TOP3A: variants seen among roughly 807,000 people sequenced by gnomAD.
TOP3A encodes the protein DNA topoisomerase 3-alpha.
In TOP3A, 64 loss-of-function variants were observed where a neutral mutation model predicts 111.3. That is an observed-to-expected ratio of 0.57 (90% CI 0.47 to 0.71). TOP3A has a LOEUF of 0.71. Ranked by LOEUF, TOP3A falls within the 30% of genes least tolerant of loss-of-function variation. The pLI is 0.00. For missense variants in TOP3A, 1,104 were observed against 1,285.0 expected (o/e 0.86, Z 2.15); for synonymous variants, 484 against 485.1 (o/e 1.00, Z 0.03).
At chr17:18,302,999 T>C (rs1981334788) in intron 5 of TOP3A, 2 of 348,338 alleles carry the variant, frequency 5.7e-6, no homozygotes, top group Non-Finnish European at 1.1e-5. Flanking sequence ...TTACTGTGTC[T>C]AGTAGAAAAA....
Position 18,271,788 on chromosome 17 carries a change from G to T in TOP3A, c.*3014C>A. The T allele has an allele frequency of 2.2e-6, 1 of 451,804 alleles. No individual in the cohort carries two copies. The allele number at this position is 451,804 out of a possible 1,614,324, so 28.0% of individuals were successfully genotyped here. A position where few individuals can be genotyped will look rare whatever the true frequency, so the allele number is the denominator to read the frequency against. Reference sequence around the variant, plus strand: ...TTAAAAATGGGGGAAGAGACCAGGTGTGATGGCTCCTGCCTGTTAATCCTA... The same window carrying T: ...TTAAAAATGGGGGAAGAGACCAGGTTTGATGGCTCCTGCCTGTTAATCCTA... On this transcript the variant is annotated 3_prime_UTR_variant, in exon 19 of 19. Transcript: ENST00000321105.
At chr17:18,283,384 A>G (rs890601455) in intron 15 of TOP3A, among the ~76,000 whole-genome samples, 4 of 152,096 alleles carry the variant, frequency 2.6e-5, no homozygotes, top group Admixed American at 1.3e-4. Flanking sequence ...AAAAAAAGTA[A>G]AACTGCACAG....
At chr17:18,287,571 C>G (rs906403366) in intron 13 of TOP3A, among the ~76,000 whole-genome samples, 1 of 151,848 alleles carries the variant, frequency 6.6e-6, no homozygotes, top group Non-Finnish European at 1.5e-5. Flanking sequence ...AAAAAATTAG[C>G]TGGGTATGGC....
At chr17:18,307,575 G>A (rs893738492) in intron 3 of TOP3A, 1 of 151,610 alleles carries the variant, frequency 6.6e-6, no homozygotes, top group African/African-American at 2.4e-5. Flanking sequence ...TCCAGCCTAG[G>A]CGACAGAATA....
chr17:18,290,770 C>CCTG, intron 12 of TOP3A, 72 bp downstream of exon 12: 1 of 1,589,038 alleles, frequency 6.3e-7, no homozygotes, highest in South Asian at 1.1e-5. Context: ...GGAACATGAT[C>CCTG]CTGCTCCACT....
chr17:18,286,174 T>A (rs983358081), intron 13 of TOP3A, among the ~76,000 whole-genome samples: 2 of 143,922 alleles, frequency 1.4e-5, no homozygotes, highest in Non-Finnish European at 3.0e-5. Flanking sequence ...CACTCCAGCC[T>A]GGGTGATGGA....
intron 9 of TOP3A, among the ~76,000 whole-genome samples, chr17:18,295,096 G>A (rs766990590): frequency 1.3e-5 from 2 of 152,136 alleles, no homozygotes; most frequent in South Asian, 2.1e-4. Context: ...CAATCCTCCC[G>A]CCTTGGCCTC....
At position 18,278,019 on chromosome 17, in the gene TOP3A, CCCTCCTTA is replaced by C. The variant is rs1567733708; in HGVS notation, c.2475_2482del (p.Lys826ProfsTer9). The C allele has an allele frequency of 1.9e-6, 3 of 1,614,044 alleles. No individual in the cohort carries two copies. The highest frequency in any genetic ancestry group is 2.2e-5 in the East Asian group (1 of 44,894). On this transcript the variant is annotated frameshift_variant, in exon 18 of 19. Coordinates refer to ENST00000321105, the MANE Select transcript of TOP3A (RefSeq NM_004618.5). LOFTEE classifies it high-confidence loss of function. ...AAAGAACTGCCGGCCCCGGTTGGGGCCCTCCTTACGGACAGTGAGCAGCACAGCCTCCT... is the reference window on the plus strand; with the variant it reads ...AAAGAACTGCCGGCCCCGGTTGGGGCCGGACAGTGAGCAGCACAGCCTCCT...
intron 1 of TOP3A, among the ~76,000 whole-genome samples, chr17:18,310,121 T>G (rs62072515): frequency 0.22 from 33,488 of 152,050 alleles, 3,886 homozygotes; most frequent in East Asian, 0.3. Context: ...TAGAATATTA[T>G]TCAGCCATAA....
rs766616168 is a variant in TOP3A, at chr17:18,277,886, TCCCAGGGAGGCG to T, written c.2604_2615del (p.Ala869_Gly872del). On this transcript the variant is annotated inframe_deletion, in exon 18 of 19. Transcript: ENST00000321105. ...GGTGGATCCCTGGGCCTGGTGGGCA[TCCCAGGGAGGCG>T]CCCAGGGGTCTATATGCCAAGGCAG... 4 of 1,613,912 alleles carry T rather than the reference TCCCAGGGAGGCG, an allele frequency of 2.5e-6. No homozygotes were observed. Among genetic ancestry groups the T allele is most frequent in the Non-Finnish European group, 1.7e-6 (2 of 1,179,980 alleles).
chr17:18,291,670 A>C (rs1336998491), intron 11 of TOP3A, among the ~76,000 whole-genome samples: 2 of 152,066 alleles, frequency 1.3e-5, no homozygotes, highest in African/African-American at 4.8e-5. Flanking sequence ...AGGCAATTTT[A>C]CCCCCTTATA....
At chr17:18,283,056 G>C (rs767554734) in intron 15 of TOP3A, among the ~76,000 whole-genome samples, 4 of 152,188 alleles carry the variant, frequency 2.6e-5, no homozygotes, top group Non-Finnish European at 5.9e-5. Context: ...GATACAGGCA[G>C]ATGCTTCTGC....
chr17:18,292,592 C>A (rs970339495), intron 11 of TOP3A, 53 bp downstream of exon 11: 2 of 1,441,482 alleles, frequency 1.4e-6, no homozygotes, highest in African/African-American at 1.4e-5. Context: ...TTACTACTGA[C>A]CCCCAGCACT....
intron 3 of TOP3A, 113 bp downstream of exon 3, chr17:18,308,220 CAACAAAAAAAAAAAAAAA>C (rs1567752281): frequency 5.4e-6 from 2 of 373,280 alleles, no homozygotes; most frequent in South Asian, 3.7e-5. Flanking sequence ...ACTTTGTCTC[CAACAAAAAAAAAAAAAAA>C]AAAAAAAAAA....
At chr17:18,302,837 G>T in intron 5 of TOP3A, 114 bp from the exon 6 acceptor site, 2 of 1,264,834 alleles carry the variant, frequency 1.6e-6, no homozygotes, top group Non-Finnish European at 1.1e-6. Context: ...TCAAGAAGCT[G>T]TGAGATGACC....
In TOP3A at chr17:18,287,907, A is replaced by T. The variant is rs569694270; in HGVS notation, c.1598-2387T>A. Among the ~76,000 whole-genome samples, 133 of 151,686 alleles carry T rather than the reference A, an allele frequency of 8.8e-4. 1 individual carries two copies. The highest frequency in any genetic ancestry group is 1.7e-3 in the Non-Finnish European group (118 of 67,972). ...TAGCTACTCGGGAGGCTGAGACAGG[A>T]GAATCGCTTGAACCTGGGTGGCGGA... On this transcript the variant is annotated intron_variant, in intron 13 of 18. Coordinates refer to ENST00000321105, the MANE Select transcript of TOP3A (RefSeq NM_004618.5).
chr17:18,278,126 T>G lies in TOP3A; in HGVS notation c.2376A>C (p.Ser792=). ...QPADSRQTGS[S]KALAQTLPPP... is the part of the protein sequence containing the mutation. ...GTGGGAGGGTCTGGGCCAGAGCCTT[T>G]GAGGACCCAGTCTGTCTGCTGTCAG... is the stretch of plus-strand genomic sequence containing the variant. The change falls in exon 18 of 19, where the codon TCA becomes TCC. Residue 792 remains serine (S), a synonymous_variant. Transcript: ENST00000321105. 2 of 1,614,192 alleles carry G rather than the reference T, an allele frequency of 1.2e-6. No homozygotes were observed. The highest frequency in any genetic ancestry group is 1.7e-6 in the Non-Finnish European group (2 of 1,180,030).
intron 5 of TOP3A, among the ~76,000 whole-genome samples, chr17:18,303,857 T>G (rs1597983245): frequency 6.6e-6 from 1 of 152,194 alleles, no homozygotes; most frequent in African/African-American, 2.4e-5. Context: ...CCCTTTACTT[T>G]GTGTGTGTCT....
rs201703886 is a variant in TOP3A, at chr17:18,285,414, A to G, written c.1704T>C (p.Leu568=). ...AGCTCTGTCCTCCCTTACCTTCCACAAGTCCCATGCCCAGGTGCCCAGGGA... is the reference window on the plus strand; with the variant it reads ...AGCTCTGTCCTCCCTTACCTTCCACGAGTCCCATGCCCAGGTGCCCAGGGA... ...RFLPGHLGMG[L]VEGYDSMGYE... Residue 568 remains leucine (L), a synonymous_variant, in exon 14 of 19, where the codon CTT becomes CTC. Transcript: ENST00000321105. The G allele has an allele frequency of 1.5e-5, 25 of 1,613,890 alleles. No homozygotes were observed. In the East Asian group the frequency reaches 5.6e-4, roughly 36 times the overall value.
Sources: allele counts gnomAD v4.1 joint callset (sites outside exome capture counted in the v4.1 genomes callset), GRCh38; gene constraint gnomAD v4.1.1; transcripts MANE v1.5; gene names NCBI Gene and HGNC (gene_info 2026-07-23, HGNC 2026-07-21).